CD2AP: variants seen among roughly 807,000 people sequenced by gnomAD.
CD2AP encodes the protein CD2 associated protein.
CD2AP carries 46 observed loss-of-function variants against 85.1 expected under a neutral mutation model. The observed-to-expected ratio is 0.54, with a 90% CI of 0.43 to 0.69. CD2AP has a LOEUF of 0.69. Among genes scored for constraint, CD2AP ranks in the 30% least tolerant of loss-of-function variants. The probability of loss-of-function intolerance (pLI) is 0.00; values close to 1 mark genes in which losing one functional copy is unlikely to be tolerated. For synonymous variants in CD2AP, 255 were observed against 252.9 expected, an observed-to-expected ratio of 1.01 and a Z score of -0.08; for missense variants, 769 against 729.5, an observed-to-expected ratio of 1.05 and a Z score of -0.62.
intron 5 of CD2AP, among the ~76,000 whole-genome samples, chr6:47,566,323 T>TACACACACAC (rs1428713911): frequency 6.0e-4 from 65 of 108,138 alleles, no homozygotes; most frequent in Non-Finnish European, 9.7e-4. Context: ...TATATATATA[T>TACACACACAC]ACACATACAC....
intron 14 of CD2AP, among the ~76,000 whole-genome samples, chr6:47,607,677 A>G (rs1769311916): frequency 6.6e-6 from 1 of 152,104 alleles, no homozygotes. Flanking sequence ...GCTCTTAAAC[A>G]CTATAGTACT....
chr6:47,566,864 T>C (rs1328725696), intron 5 of CD2AP, among the ~76,000 whole-genome samples: 1 of 152,198 alleles, frequency 6.6e-6, no homozygotes, highest in Non-Finnish European at 1.5e-5. Context: ...CAGTCTATCA[T>C]TGATGGGCAT....
chr6:47,505,558 G>A (rs1318649078), intron 2 of CD2AP, among the ~76,000 whole-genome samples: 1 of 148,222 alleles, frequency 6.7e-6, no homozygotes, highest in Non-Finnish European at 1.5e-5. Context: ...CCTCCCAGAC[G>A]GGGTGGTGGC....
rs558026011 is a variant in CD2AP, at chr6:47,592,513, G to A, written c.1109-3348G>A. Among the ~76,000 whole-genome samples, 4 of 152,188 alleles carry A rather than the reference G, an allele frequency of 2.6e-5. No individual in the cohort carries two copies. The South Asian group carries it at 8.3e-4, about 32-fold the overall frequency. On this transcript the variant is annotated intron_variant, in intron 11 of 17. Coordinates refer to ENST00000359314, the MANE Select transcript of CD2AP (RefSeq NM_012120.3). Reference sequence around the variant, plus strand: ...TTTGTCCCTGGTTCCTGGCACCATAGCTCCTAAAACCCTTGAAATTTCCTG... The same window carrying A: ...TTTGTCCCTGGTTCCTGGCACCATAACTCCTAAAACCCTTGAAATTTCCTG...
chr6:47,550,891 A>T (rs1250259226), intron 4 of CD2AP, among the ~76,000 whole-genome samples: 2 of 152,214 alleles, frequency 1.3e-5, no homozygotes, highest in East Asian at 1.9e-4. Context: ...AGCTACCTGG[A>T]TGAGATTGGA....
Position 47,618,777 on chromosome 6 carries a change from A to G in CD2AP, c.1879-5409A>G, listed in dbSNP as rs112878697. ...AGTCAAATTGTTTCTCTTTTGGATAATTCAGTATGATTTTATTTTTCTAGC... is the reference window on the plus strand; with the variant it reads ...AGTCAAATTGTTTCTCTTTTGGATAGTTCAGTATGATTTTATTTTTCTAGC... On this transcript the variant is annotated intron_variant, in intron 17 of 17. Transcript: ENST00000359314. Among the ~76,000 whole-genome samples the G allele has an allele frequency of 1.5e-3, 224 of 152,292 alleles. 1 individual carries two copies. Among genetic ancestry groups the G allele is most frequent in the African/African-American group, 4.4e-3 (183 of 41,578 alleles).
intron 11 of CD2AP, among the ~76,000 whole-genome samples, chr6:47,587,948 G>C (rs1290234689): frequency 2.0e-5 from 3 of 152,076 alleles, no homozygotes; most frequent in African/African-American, 7.2e-5. Flanking sequence ...TTCTATTATT[G>C]TAGGCTCATG....
chr6:47,589,565 C>CACACATATATATATATAT (rs139814970), intron 11 of CD2AP, among the ~76,000 whole-genome samples: 15,573 of 120,064 alleles, frequency 0.13, 1,307 homozygotes, highest in Non-Finnish European at 0.16. Context: ...CACACACACA[C>CACACATATATATATATAT]ATATATATAT....
At chr6:47,578,621 C>T (rs565833353) in intron 8 of CD2AP, among the ~76,000 whole-genome samples, 6 of 151,906 alleles carry the variant, frequency 3.9e-5, no homozygotes, top group Non-Finnish European at 8.8e-5. Context: ...TTCTCCCTCT[C>T]CACCTTCCTC....
At chr6:47,611,932 T>C (rs1769452453) in intron 16 of CD2AP, among the ~76,000 whole-genome samples, 1 of 152,184 alleles carries the variant, frequency 6.6e-6, no homozygotes, top group Admixed American at 6.5e-5. Context: ...GACAACTATA[T>C]AGAAAGATTA....
At chr6:47,520,315 T>G (rs1233169442) in intron 2 of CD2AP, among the ~76,000 whole-genome samples, 1 of 152,218 alleles carries the variant, frequency 6.6e-6, no homozygotes, top group Non-Finnish European at 1.5e-5. Context: ...ACCTTGGATC[T>G]AAATATAAGC....
chr6:47,602,289 T>C (rs554764259), intron 13 of CD2AP, among the ~76,000 whole-genome samples: 1 of 152,076 alleles, frequency 6.6e-6, no homozygotes, highest in South Asian at 2.1e-4. Context: ...TATAATGTAG[T>C]TTTATAAATA....
chr6:47,588,709 C>G (rs918365758), intron 11 of CD2AP, among the ~76,000 whole-genome samples: 2 of 152,096 alleles, frequency 1.3e-5, no homozygotes, highest in East Asian at 1.9e-4. Context: ...TTATATCTTT[C>G]CATTCTGCCA....
chr6:47,598,963 A>C (rs1054061729), intron 12 of CD2AP, among the ~76,000 whole-genome samples: 3 of 150,796 alleles, frequency 2.0e-5, no homozygotes, highest in African/African-American at 7.3e-5. Context: ...CATTCTGTAC[A>C]TTTTGATTTA....
intron 2 of CD2AP, among the ~76,000 whole-genome samples, chr6:47,512,405 G>A (rs1582498312): frequency 6.6e-6 from 1 of 152,130 alleles, no homozygotes; most frequent in African/African-American, 2.4e-5. Context: ...AGTGTGGATG[G>A]TGGAACTAGG....
Position 47,580,888 on chromosome 6 carries a change from G to T in CD2AP, c.1033G>T (p.Ala345Ser). Reference sequence around the variant, plus strand: ...GAAACCAAAGAAACCACCACCTCCTGCTAAGGCTCCAGGTATGTAAGAAGC... The same window carrying T: ...GAAACCAAAGAAACCACCACCTCCTTCTAAGGCTCCAGGTATGTAAGAAGC... ...FPKPKKPPPP[A>S]KAPAPKPELI... Residue 345 changes from alanine (A) to serine (S), a missense_variant, in exon 10 of 18, where the codon GCT becomes TCT. Transcript: ENST00000359314. 2 of 1,608,002 alleles carry T rather than the reference G, an allele frequency of 1.2e-6. No homozygotes were observed.
chr6:47,491,090 AT>A (rs1765718176), intron 1 of CD2AP, among the ~76,000 whole-genome samples: 1 of 152,124 alleles, frequency 6.6e-6, no homozygotes, highest in Non-Finnish European at 1.5e-5. Flanking sequence ...ATGAAATGTT[AT>A]TAGTTAATGA....
chr6:47,541,957 T>C lies in CD2AP; in HGVS notation c.320-2649T>C, dbSNP rs1767226454. On this transcript the variant is annotated intron_variant, in intron 3 of 17. Coordinates refer to ENST00000359314, the MANE Select transcript of CD2AP (RefSeq NM_012120.3). The stretch of plus-strand genomic sequence containing the variant: ...GATTCTCCTTTGTTGTCCTCTCTCC[T>C]TAGAGTCCTTGTATCACCAAATCCT... Among the ~76,000 whole-genome samples, 3 of 152,320 alleles carry C rather than the reference T, an allele frequency of 2.0e-5. No individual in the cohort carries two copies. In the South Asian group the frequency reaches 6.2e-4, roughly 32 times the overall value.
At chr6:47,558,274 A>C (rs943978975) in intron 5 of CD2AP, among the ~76,000 whole-genome samples, 3 of 152,210 alleles carry the variant, frequency 2.0e-5, no homozygotes, top group Non-Finnish European at 4.4e-5. Flanking sequence ...ATCTGCAAAC[A>C]GAGATAATTT....
Sources: allele counts gnomAD v4.1 joint callset (sites outside exome capture counted in the v4.1 genomes callset), GRCh38; gene constraint gnomAD v4.1.1; transcripts MANE v1.5; gene names NCBI Gene and HGNC (gene_info 2026-07-23, HGNC 2026-07-21).